The following GALNTL6 variants were observed in gnomAD, a reference collection of about 807,000 sequenced individuals.
GALNTL6 encodes the protein polypeptide N-acetylgalactosaminyltransferase-like 6.
A neutral mutation model predicts 73.7 loss-of-function variants in GALNTL6; 46 were observed. The ratio of observed to expected loss-of-function variants is 0.62; its 90% CI spans 0.49 to 0.80. The LOEUF is 0.80. GALNTL6 is among the 30% of genes least tolerant of loss of function. The pLI is 0.00. For synonymous variants in GALNTL6, 259 were observed against 263.7 expected (o/e 0.98, Z 0.17); for missense variants, 604 against 755.0 (o/e 0.80, Z 2.34).
intron 5 of GALNTL6, among the ~76,000 whole-genome samples, chr4:172,442,750 C>G (rs576435584): frequency 6.6e-6 from 1 of 152,206 alleles, no homozygotes; most frequent in South Asian, 2.1e-4. Flanking sequence ...GCACTTGTTA[C>G]TTGGAATGCA....
intron 10 of GALNTL6, among the ~76,000 whole-genome samples, chr4:172,971,659 A>G (rs150016328): frequency 2.0e-5 from 3 of 152,346 alleles, no homozygotes; most frequent in South Asian, 2.1e-4. Context: ...CAACTTTAGT[A>G]TTGCTTAGAG....
intron 7 of GALNTL6, among the ~76,000 whole-genome samples, chr4:172,846,038 AAGAT>A (rs1052951077): frequency 6.6e-6 from 1 of 152,226 alleles, no homozygotes; most frequent in Non-Finnish European, 1.5e-5. Context: ...CCACAATTGG[AAGAT>A]AGATAGCCAA....
At chr4:171,944,279 G>T (rs1738637820) in intron 2 of GALNTL6, among the ~76,000 whole-genome samples, 1 of 151,970 alleles carries the variant, frequency 6.6e-6, no homozygotes, top group South Asian at 2.1e-4. Flanking sequence ...ACATTCAGAT[G>T]CAACATTGTG....
chr4:172,406,295 C>T (rs1043399207), intron 5 of GALNTL6, among the ~76,000 whole-genome samples: 3 of 151,874 alleles, frequency 2.0e-5, no homozygotes, highest in Non-Finnish European at 4.4e-5. Flanking sequence ...TGGCTGGGAC[C>T]ACAGGCATGT....
At chr4:172,051,804 C>G (rs1232860708) in intron 2 of GALNTL6, among the ~76,000 whole-genome samples, 1 of 152,144 alleles carries the variant, frequency 6.6e-6, no homozygotes, top group Non-Finnish European at 1.5e-5. Context: ...GGGCCTCTGC[C>G]AGGGAACCAC....
chr4:172,911,285 A>G (rs1212582779), intron 8 of GALNTL6, among the ~76,000 whole-genome samples: 3 of 152,250 alleles, frequency 2.0e-5, no homozygotes, highest in Admixed American at 2.0e-4. Flanking sequence ...GTTTTGTTAG[A>G]AATAAATTCA....
At chr4:172,648,049 T>G (rs1485706701) in intron 5 of GALNTL6, among the ~76,000 whole-genome samples, 2 of 152,132 alleles carry the variant, frequency 1.3e-5, no homozygotes, top group African/African-American at 2.4e-5. Context: ...GAACTCATTT[T>G]ACTGGGTTTA....
At chr4:172,787,529 A>T (rs1057249674) in intron 5 of GALNTL6, among the ~76,000 whole-genome samples, 1 of 152,218 alleles carries the variant, frequency 6.6e-6, no homozygotes, top group Non-Finnish European at 1.5e-5. Context: ...ACTAGTAGCC[A>T]TTTGGTCTTG....
intron 2 of GALNTL6, among the ~76,000 whole-genome samples, chr4:172,206,775 G>GTTTTTTTTTTTTTTTT: frequency 1.3e-5 from 1 of 79,788 alleles, no homozygotes; most frequent in Middle Eastern, 7.7e-3. Context: ...GATGAAACGT[G>GTTTTTTTTTTTTTTTT]TTTTTTGTTT....
intron 2 of GALNTL6, among the ~76,000 whole-genome samples, chr4:171,846,766 A>G (rs1383735164): frequency 6.7e-6 from 1 of 148,260 alleles, no homozygotes; most frequent in Non-Finnish European, 1.5e-5. Flanking sequence ...GTCTCTCTAG[A>G]TATATCTATA....
At chr4:172,473,308 T>C (rs767621000) in intron 5 of GALNTL6, among the ~76,000 whole-genome samples, 1 of 152,164 alleles carries the variant, frequency 6.6e-6, no homozygotes, top group Non-Finnish European at 1.5e-5. Context: ...ATTTTTAAAA[T>C]CAACAAACAC....
intron 2 of GALNTL6, among the ~76,000 whole-genome samples, chr4:171,841,504 A>G (rs1008682408): frequency 1.3e-5 from 2 of 152,110 alleles, no homozygotes; most frequent in African/African-American, 4.8e-5. Flanking sequence ...AACAACAAAA[A>G]TAACCTTCTC....
chr4:172,803,067 T>C (rs938446086), intron 5 of GALNTL6, among the ~76,000 whole-genome samples: 1 of 152,222 alleles, frequency 6.6e-6, no homozygotes, highest in African/African-American at 2.4e-5. Flanking sequence ...TGGTTACAGA[T>C]TGTACCCAAT....
intron 2 of GALNTL6, among the ~76,000 whole-genome samples, chr4:171,992,943 C>T (rs574906252): frequency 1.3e-5 from 2 of 152,108 alleles, no homozygotes; most frequent in East Asian, 3.9e-4. Context: ...TCTTACATTT[C>T]ACTGTTTTTC....
At chr4:172,845,344 T>C (rs573697089) in intron 7 of GALNTL6, among the ~76,000 whole-genome samples, 2 of 152,092 alleles carry the variant, frequency 1.3e-5, no homozygotes, top group South Asian at 2.1e-4. Flanking sequence ...ATCCAATAGA[T>C]CTCAGGTAGA....
At chr4:172,689,280 T>A (rs532106094) in intron 5 of GALNTL6, among the ~76,000 whole-genome samples, 2 of 152,170 alleles carry the variant, frequency 1.3e-5, no homozygotes, top group South Asian at 4.1e-4. Flanking sequence ...GAAAGTAGAA[T>A]TGGATACGGA....
chr4:172,023,446 C>T lies in GALNTL6; in HGVS notation c.139-206210C>T, dbSNP rs988223991. 9.2e-5 allele frequency among the ~76,000 whole-genome samples: 14 copies of T among 151,696 alleles called. No homozygotes were observed. In the East Asian group the frequency reaches 2.7e-3, roughly 29 times the overall value. Reference sequence around the variant, plus strand: ...ACATGTTGGGTATCTTTTCGTAAGTCAAACAAAAAGAACTAAAATATCAAA... The same window carrying T: ...ACATGTTGGGTATCTTTTCGTAAGTTAAACAAAAAGAACTAAAATATCAAA... On this transcript the variant is annotated intron_variant, in intron 2 of 12. Coordinates refer to ENST00000506823, the MANE Select transcript of GALNTL6 (RefSeq NM_001034845.3).
chr4:173,005,090 G>A (rs955637294), intron 10 of GALNTL6, among the ~76,000 whole-genome samples: 2 of 84,278 alleles, frequency 2.4e-5, no homozygotes, highest in African/African-American at 8.7e-5. Context: ...AACCTCCTGT[G>A]TTGGGAGCTG....
chr4:172,768,410 A>G (rs761240897), intron 5 of GALNTL6, among the ~76,000 whole-genome samples: 2 of 152,212 alleles, frequency 1.3e-5, no homozygotes, highest in Non-Finnish European at 2.9e-5. Context: ...CTCAGCCAGT[A>G]TCCAGGCTCT....
Sources: allele counts gnomAD v4.1 joint callset (sites outside exome capture counted in the v4.1 genomes callset), GRCh38; gene constraint gnomAD v4.1.1; transcripts MANE v1.5; gene names NCBI Gene and HGNC (gene_info 2026-07-23, HGNC 2026-07-21).